ACTR3C: variants seen among roughly 807,000 people sequenced by gnomAD.
ACTR3C encodes actin related protein 3C.
Under a neutral mutation model 26.3 loss-of-function variants are expected in ACTR3C, and 18 were observed. The ratio of observed to expected loss-of-function variants is 0.68; its 90% CI spans 0.47 to 1.01. The LOEUF (loss-of-function observed/expected upper bound fraction) is 1.01. Among genes scored for constraint, ACTR3C ranks in the 50% least tolerant of loss-of-function variants. The pLI is 0.00. For synonymous variants in ACTR3C, 55 were observed against 94.5 expected, an observed-to-expected ratio of 0.58 and a Z score of 2.42; for missense variants, 184 against 250.7, an observed-to-expected ratio of 0.73 and a Z score of 1.80.
the ACTR3C span, among the ~76,000 whole-genome samples, chr7:150,042,659 GGGC>G: frequency 6.6e-6 from 1 of 151,866 alleles, no homozygotes; most frequent in Non-Finnish European, 1.5e-5. Flanking sequence ...ACAAAATGGG[GGGC>G]CTTTATGTTC....
intron 6 of ACTR3C, among the ~76,000 whole-genome samples, chr7:150,265,187 T>G (rs1238832888): frequency 6.6e-6 from 1 of 152,118 alleles, no homozygotes; most frequent in Admixed American, 6.5e-5. Context: ...CTTTTTTTCT[T>G]GAAATGGTAA....
the ACTR3C span, among the ~76,000 whole-genome samples, chr7:150,046,859 C>T: frequency 4.1e-5 from 6 of 147,222 alleles, no homozygotes; most frequent in South Asian, 1.4e-3. Flanking sequence ...TTCCAGCCCC[C>T]ATGAAGAGTA....
At chr7:150,321,808 G>A (rs1797540375) in intron 1 of ACTR3C, among the ~76,000 whole-genome samples, 1 of 152,150 alleles carries the variant, frequency 6.6e-6, no homozygotes, top group African/African-American at 2.4e-5. Flanking sequence ...TCTTGGGCAG[G>A]GGTCCCAGCT....
the ACTR3C span, among the ~76,000 whole-genome samples, chr7:150,035,382 C>T: frequency 1.4e-4 from 6 of 41,430 alleles, 1 homozygote; most frequent in African/African-American, 5.8e-4. Flanking sequence ...GCCTCCCCCT[C>T]GTGCGATGGG....
At chr7:150,246,047 G>C (rs922206342), downstream of ACTR3C, 5 of 152,154 alleles carry the variant, frequency 3.3e-5, no homozygotes, top group African/African-American at 1.2e-4. Flanking sequence ...ATGCTTGACT[G>C]TGGATCTTGG....
At chr7:150,264,005 C>T (rs373848818) in intron 6 of ACTR3C, among the ~76,000 whole-genome samples, 16 of 152,328 alleles carry the variant, frequency 1.1e-4, no homozygotes, top group South Asian at 6.2e-4. Flanking sequence ...GGGCCCTGGC[C>T]GATGGCAGAT....
chr7:149,963,257 A>G, the ACTR3C span, among the ~76,000 whole-genome samples: 2 of 152,196 alleles, frequency 1.3e-5, no homozygotes, highest in African/African-American at 4.8e-5. Context: ...TCTGTCCCAG[A>G]TACAGTGGGG....
At chr7:149,904,039 C>T in the ACTR3C span, among the ~76,000 whole-genome samples, 1 of 116,014 alleles carries the variant, frequency 8.6e-6, no homozygotes, top group East Asian at 2.8e-4. Context: ...CATGCCTCAG[C>T]CTTCCAAGTA....
intron 6 of ACTR3C, among the ~76,000 whole-genome samples, chr7:150,252,502 G>A (rs1016438332): frequency 6.6e-6 from 1 of 152,158 alleles, no homozygotes; most frequent in African/African-American, 2.4e-5. Context: ...CAGAGAAAGG[G>A]CTGTTTATTT....
chr7:150,113,799 C>A, the ACTR3C span, among the ~76,000 whole-genome samples: 2 of 152,140 alleles, frequency 1.3e-5, no homozygotes, highest in East Asian at 3.8e-4. Context: ...CAATTCAAAC[C>A]AAACCAAACT....
chr7:150,006,352 A>G, the ACTR3C span, among the ~76,000 whole-genome samples: 2 of 150,476 alleles, frequency 1.3e-5, no homozygotes, highest in Non-Finnish European at 3.0e-5. Flanking sequence ...ACCCGCCACC[A>G]CGCCTGGCTA....
At chr7:149,881,582 G>GC in the ACTR3C span, 1 of 90,916 alleles carries the variant, frequency 1.1e-5, no homozygotes, top group African/African-American at 5.3e-5. Flanking sequence ...GGCTGGCTGG[G>GC]CGGTGGGGCG....
the ACTR3C span, among the ~76,000 whole-genome samples, chr7:150,231,667 G>A: frequency 3.3e-5 from 5 of 151,182 alleles, no homozygotes; most frequent in South Asian, 2.1e-4. Flanking sequence ...CCAAATATTT[G>A]GGATTGTCTA....
chr7:150,003,722 TGTG>T, the ACTR3C span, among the ~76,000 whole-genome samples: 3 of 151,374 alleles, frequency 2.0e-5, no homozygotes, highest in South Asian at 4.2e-4. Context: ...TGGTGTCTGG[TGTG>T]GTGTGGTGTG....
chr7:150,151,929 G>A, the ACTR3C span, among the ~76,000 whole-genome samples: 16 of 138,072 alleles, frequency 1.2e-4, 4 homozygotes, highest in East Asian at 7.9e-4. Context: ...GGATTCCAGC[G>A]TTTATATGTT....
At chr7:150,143,522 TACG>T in the ACTR3C span, among the ~76,000 whole-genome samples, 2 of 152,186 alleles carry the variant, frequency 1.3e-5, no homozygotes, top group African/African-American at 4.8e-5. Flanking sequence ...ATGTAACAGC[TACG>T]ACAATCAAGA....
At chr7:149,979,184 G>C in the ACTR3C span, among the ~76,000 whole-genome samples, 1 of 152,186 alleles carries the variant, frequency 6.6e-6, no homozygotes, top group Non-Finnish European at 1.5e-5. Context: ...TCTCTTCTAA[G>C]CTCAGGACAT....
At chr7:150,250,908 G>A (rs942825361) in intron 6 of ACTR3C, among the ~76,000 whole-genome samples, 1 of 152,208 alleles carries the variant, frequency 6.6e-6, no homozygotes, top group African/African-American at 2.4e-5. Context: ...TAGTTACTAT[G>A]TGGAGAGTGC....
intron 1 of ACTR3C, among the ~76,000 whole-genome samples, chr7:150,316,647 A>T (rs999902550): frequency 1.3e-5 from 2 of 152,006 alleles, no homozygotes; most frequent in Admixed American, 6.6e-5. Context: ...CATCACGCTC[A>T]GCTAATTTTT....
Sources: gnomAD v4.1 joint callset for allele counts (sites outside exome capture counted in the v4.1 genomes callset) on GRCh38, gnomAD v4.1.1 for gene constraint, MANE v1.5 for transcripts, NCBI Gene and HGNC (gene_info 2026-07-23, HGNC 2026-07-21) for gene names.